Variants in LDLRAD3 observed in about 807,000 individuals in gnomAD.
LDLRAD3 encodes low-density lipoprotein receptor class A domain-containing protein 3.
Under a neutral mutation model 29.4 loss-of-function variants are expected in LDLRAD3, and 20 were observed. The observed-to-expected ratio is 0.68, with a 90% CI of 0.48 to 0.99. The LOEUF is 0.99. Among genes scored for constraint, LDLRAD3 ranks in the 50% least tolerant of loss-of-function variants. The probability of loss-of-function intolerance (pLI) is 0.00; values close to 1 mark genes in which losing one functional copy is unlikely to be tolerated. For missense variants in LDLRAD3, 420 were observed against 454.3 expected (o/e 0.92, Z 0.69); for synonymous variants, 157 against 192.7 (o/e 0.81, Z 1.53).
At chr11:36,033,119 C>A (rs980047342) in intron 1 of LDLRAD3, among the ~76,000 whole-genome samples, 1 of 152,106 alleles carries the variant, frequency 6.6e-6, no homozygotes, top group African/African-American at 2.4e-5. Flanking sequence ...GTGATCCACC[C>A]GCCTCGGCCT....
At chr11:35,957,470 T>C (rs960197589) in intron 1 of LDLRAD3, among the ~76,000 whole-genome samples, 4 of 152,020 alleles carry the variant, frequency 2.6e-5, no homozygotes, top group Non-Finnish European at 5.9e-5. Context: ...GAGAATCCAG[T>C]TGGAATCGTG....
intron 3 of LDLRAD3, among the ~76,000 whole-genome samples, chr11:36,083,226 T>G (rs1853142780): frequency 6.6e-6 from 1 of 152,228 alleles, no homozygotes; most frequent in Non-Finnish European, 1.5e-5. Flanking sequence ...ATTCTATGGA[T>G]CTTGATAAGT....
intron 4 of LDLRAD3, among the ~76,000 whole-genome samples, chr11:36,202,084 G>A (rs112690991): frequency 0.023 from 3,133 of 136,554 alleles, 106 homozygotes; most frequent in African/African-American, 0.076. Context: ...CACTCTTCTC[G>A]CCTAGGCTGT....
At chr11:36,141,036 C>CTCTCTCTCTCTCTCTCTCTCTCTCT in intron 4 of LDLRAD3, among the ~76,000 whole-genome samples, 1 of 138,708 alleles carries the variant, frequency 7.2e-6, no homozygotes, top group East Asian at 2.2e-4. Flanking sequence ...CTCTCTCTCT[C>CTCTCTCTCTCTCTCTCTCTCTCTCT]CGTGTGGGGG....
At chr11:36,123,162 G>A (rs770981381) in intron 4 of LDLRAD3, among the ~76,000 whole-genome samples, 1 of 152,138 alleles carries the variant, frequency 6.6e-6, no homozygotes, top group African/African-American at 2.4e-5. Flanking sequence ...ATTCCAGCCT[G>A]GGCGACAGAG....
intron 3 of LDLRAD3, among the ~76,000 whole-genome samples, chr11:36,090,954 T>G (rs1853271339): frequency 6.6e-6 from 1 of 152,056 alleles, no homozygotes; most frequent in African/African-American, 2.4e-5. Flanking sequence ...CAAGCCAAGG[T>G]CAAGGCAGCG....
intron 4 of LDLRAD3, among the ~76,000 whole-genome samples, chr11:36,129,161 C>CATTGTGTG (rs148413942): frequency 0.022 from 3,390 of 152,258 alleles, 122 homozygotes; most frequent in African/African-American, 0.077. Context: ...ATGTCCCGGT[C>CATTGTGTG]ATTGTGTGGG....
intron 1 of LDLRAD3, among the ~76,000 whole-genome samples, chr11:36,007,948 C>T (rs1851905533): frequency 6.6e-6 from 1 of 152,140 alleles, no homozygotes; most frequent in Non-Finnish European, 1.5e-5. Flanking sequence ...AAAGTTTAGG[C>T]AGACCCAACC....
At chr11:36,144,777 G>A (rs1325019632) in intron 4 of LDLRAD3, among the ~76,000 whole-genome samples, 3 of 128,722 alleles carry the variant, frequency 2.3e-5, no homozygotes, top group Admixed American at 7.5e-5. Flanking sequence ...CCCCCCGCCC[G>A]GCCAGCCGCC....
At chr11:36,077,917 A>G (rs988888475) in intron 2 of LDLRAD3, among the ~76,000 whole-genome samples, 7 of 152,090 alleles carry the variant, frequency 4.6e-5, no homozygotes, top group African/African-American at 1.7e-4. Flanking sequence ...CTTGTCCTGC[A>G]TCCGGGAAGA....
intron 1 of LDLRAD3, among the ~76,000 whole-genome samples, chr11:35,959,876 G>A (rs974123758): frequency 1.3e-5 from 2 of 152,146 alleles, no homozygotes; most frequent in African/African-American, 4.8e-5. Flanking sequence ...AGGTTGCTGT[G>A]AGCTAAGATC....
At chr11:36,142,661 G>A (rs370665832) in intron 4 of LDLRAD3, among the ~76,000 whole-genome samples, 3 of 152,264 alleles carry the variant, frequency 2.0e-5, no homozygotes, top group East Asian at 3.9e-4. Flanking sequence ...GGTGCACCCG[G>A]TGCAGCCGGT....
At chr11:36,064,286 C>T (rs866620512) in intron 2 of LDLRAD3, among the ~76,000 whole-genome samples, 5 of 151,898 alleles carry the variant, frequency 3.3e-5, no homozygotes, top group Admixed American at 2.6e-4. Context: ...TAAACTTGTT[C>T]GTTAGTTCTA....
rs1324328644 is a variant in LDLRAD3, at chr11:36,145,124, G to A, written c.454+46663G>A. 1.8e-5 allele frequency among the ~76,000 whole-genome samples: 2 copies of A among 108,198 alleles called. 1 individual carries two copies. Among genetic ancestry groups the A allele is most frequent in the African/African-American group, 8.0e-5 (2 of 25,096 alleles). 71.0% of individuals were successfully genotyped at this position (108,198 alleles called of 152,430 possible). ...AGGGAGGTTGGGGGGTCAGCCCCCCGCCCGGCCAGCTGCCCCATCTGGGAG... is the reference window on the plus strand; with the variant it reads ...AGGGAGGTTGGGGGGTCAGCCCCCCACCCGGCCAGCTGCCCCATCTGGGAG... On this transcript the variant is annotated intron_variant, in intron 4 of 5. Transcript: ENST00000315571.
chr11:36,052,785 A>G (rs947555628), intron 2 of LDLRAD3, among the ~76,000 whole-genome samples: 2 of 152,194 alleles, frequency 1.3e-5, no homozygotes, highest in Non-Finnish European at 2.9e-5. Flanking sequence ...AGAATTAGCT[A>G]TAGTTATTAA....
chr11:36,055,296 C>G (rs1302870817), intron 2 of LDLRAD3, among the ~76,000 whole-genome samples: 1 of 151,368 alleles, frequency 6.6e-6, no homozygotes, highest in Non-Finnish European at 1.5e-5. Flanking sequence ...CTCAACTTTT[C>G]TCCTTTTTGA....
At chr11:36,131,317 T>C (rs1853922832) in intron 4 of LDLRAD3, among the ~76,000 whole-genome samples, 1 of 152,194 alleles carries the variant, frequency 6.6e-6, no homozygotes, top group Non-Finnish European at 1.5e-5. Flanking sequence ...CATAAGAGCT[T>C]TCTCTCTATG....
rs372129360 is a variant in LDLRAD3 at position 36,229,429 on chromosome 11, A to G, written c.*32A>G. On this transcript the variant is annotated 3_prime_UTR_variant, in exon 6 of 6. Transcript: ENST00000315571. ...GTTATTCCAAAGTCCATATGGGTTA[A>G]TCTGCTCTGACTTGTTGCCATTCTA... 8 of 1,455,948 alleles carry G rather than the reference A, an allele frequency of 5.5e-6. No individual in the cohort carries two copies. Among genetic ancestry groups the G allele is most frequent in the Non-Finnish European group, 7.7e-6 (8 of 1,042,456 alleles). 90.2% of individuals were successfully genotyped at this position (1,455,948 alleles called of 1,614,324 possible).
chr11:36,104,662 C>T (rs950219843), intron 4 of LDLRAD3, among the ~76,000 whole-genome samples: 6 of 152,180 alleles, frequency 3.9e-5, no homozygotes, highest in Admixed American at 3.9e-4. Context: ...CACAGATTCC[C>T]TCTGAGAGTG....
Sources: gnomAD v4.1 joint callset for allele counts (sites outside exome capture counted in the v4.1 genomes callset) on GRCh38, gnomAD v4.1.1 for gene constraint, MANE v1.5 for transcripts, NCBI Gene and HGNC (gene_info 2026-07-23, HGNC 2026-07-21) for gene names.